Variants in LHCGR observed in about 807,000 individuals in gnomAD.
The protein encoded by LHCGR is lutropin-choriogonadotropic hormone receptor.
In LHCGR, 55 loss-of-function variants were observed where a neutral mutation model predicts 60.7. That is an observed-to-expected ratio of 0.91 (90% confidence interval 0.73 to 1.13). The LOEUF (loss-of-function observed/expected upper bound fraction) is 1.13. Ranked by LOEUF, LHCGR falls within the 50% of genes most tolerant of loss-of-function variation. The probability of loss-of-function intolerance (pLI) is 0.00; values close to 1 mark genes in which losing one functional copy is unlikely to be tolerated. For missense variants in LHCGR, 862 were observed against 836.0 expected, an observed-to-expected ratio of 1.03 and a Z score of -0.38; for synonymous variants, 337 against 316.5, an observed-to-expected ratio of 1.06 and a Z score of -0.69.
intron 8 of LHCGR, among the ~76,000 whole-genome samples, chr2:48,702,627 G>T (rs1017539793): frequency 3.3e-5 from 5 of 152,160 alleles, no homozygotes; most frequent in African/African-American, 1.2e-4. Flanking sequence ...ATTTCATGGT[G>T]TATATGTGCC....
chr2:48,712,256 C>A (rs1163509221), intron 7 of LHCGR, among the ~76,000 whole-genome samples: 1 of 152,016 alleles, frequency 6.6e-6, no homozygotes. Flanking sequence ...GCAGTTTATA[C>A]ACTATTTGGA....
chr2:48,728,470 G>C (rs961932381), intron 3 of LHCGR, among the ~76,000 whole-genome samples: 2 of 152,148 alleles, frequency 1.3e-5, no homozygotes, highest in African/African-American at 4.8e-5. Context: ...GCAGTAGGGG[G>C]CCTGGTGTAG....
chr2:48,699,324 C>G (rs1439564326), intron 8 of LHCGR, among the ~76,000 whole-genome samples: 3 of 152,134 alleles, frequency 2.0e-5, no homozygotes, highest in African/African-American at 4.8e-5. Context: ...AAGTATAACT[C>G]CTTGCACCTA....
chr2:48,732,921 C>T, intron 1 of LHCGR: 1 of 534,480 alleles, frequency 1.9e-6, no homozygotes, highest in Non-Finnish European at 3.8e-6. Flanking sequence ...TCGTTTAACA[C>T]CTAAACTCAT....
At chr2:48,754,745 C>A (rs1236026529) in intron 1 of LHCGR, among the ~76,000 whole-genome samples, 1 of 151,622 alleles carries the variant, frequency 6.6e-6, no homozygotes, top group Non-Finnish European at 1.5e-5. Context: ...ACTTTTTTTT[C>A]TAAATAGGAG....
chr2:48,717,542 C>A (rs949392362), intron 6 of LHCGR, among the ~76,000 whole-genome samples: 4 of 150,978 alleles, frequency 2.6e-5, no homozygotes, highest in African/African-American at 9.7e-5. Context: ...ATGTGTTGAT[C>A]TTATTATTAT....
chr2:48,697,091 G>A (rs1349925702), intron 9 of LHCGR, among the ~76,000 whole-genome samples: 1 of 151,990 alleles, frequency 6.6e-6, no homozygotes, highest in African/African-American at 2.4e-5. Flanking sequence ...ACATCTCCTT[G>A]GCTTCCTCTT....
chr2:48,715,252 T>A (rs1027297442), intron 6 of LHCGR, among the ~76,000 whole-genome samples: 1 of 152,216 alleles, frequency 6.6e-6, no homozygotes, highest in African/African-American at 2.4e-5. Flanking sequence ...TCCTCCTGTA[T>A]CTAGAACAGT....
intron 6 of LHCGR, among the ~76,000 whole-genome samples, chr2:48,722,071 A>C (rs1039272725): frequency 6.6e-6 from 1 of 152,322 alleles, no homozygotes; most frequent in East Asian, 1.9e-4. Flanking sequence ...AATCACTTGA[A>C]CCCAGGAGGC....
At chr2:48,713,201 T>C (rs924405302) in intron 7 of LHCGR, among the ~76,000 whole-genome samples, 9 of 142,882 alleles carry the variant, frequency 6.3e-5, no homozygotes, top group Non-Finnish European at 1.2e-4. Flanking sequence ...GTATAGATCA[T>C]GGTTTATACA....
chr2:48,728,140 G>A (rs903162634), intron 3 of LHCGR, among the ~76,000 whole-genome samples: 37 of 150,648 alleles, frequency 2.5e-4, no homozygotes, highest in African/African-American at 9.0e-4. Context: ...TGTATTTTAT[G>A]TGTGACCCAA....
At chr2:48,747,609 A>T (rs559224342) in intron 1 of LHCGR, among the ~76,000 whole-genome samples, 67 of 152,092 alleles carry the variant, frequency 4.4e-4, no homozygotes, top group Non-Finnish European at 8.1e-4. Context: ...TCTTTTTGGG[A>T]ATTGGAAATT....
chr2:48,689,973 A>C (rs1558803325), intron 10 of LHCGR, among the ~76,000 whole-genome samples: 1 of 152,148 alleles, frequency 6.6e-6, no homozygotes, highest in Non-Finnish European at 1.5e-5. Context: ...CTCGGCCTCC[A>C]AAGTGCTGGC....
At chr2:48,700,079 C>G (rs532867519) in intron 8 of LHCGR, among the ~76,000 whole-genome samples, 87 of 152,288 alleles carry the variant, frequency 5.7e-4, no homozygotes, top group African/African-American at 2.0e-3. Flanking sequence ...AAAATTAAGG[C>G]AGCAAAATTT....
intron 1 of LHCGR, among the ~76,000 whole-genome samples, chr2:48,736,691 C>T (rs985632728): frequency 2.6e-5 from 4 of 152,068 alleles, no homozygotes; most frequent in African/African-American, 4.8e-5. Context: ...GCTCTAGTGT[C>T]CCCCTTTAAG....
At position 48,729,171 on chromosome 2, in the gene LHCGR, A is replaced by C. The variant is rs771440304; in HGVS notation, c.290T>G (p.Leu97Arg). 6.2e-7 allele frequency: 1 copy of C among 1,611,418 alleles called. No individual in the cohort carries two copies. The highest frequency in any genetic ancestry group is 1.1e-5 in the South Asian group (1 of 91,038). ...TGCTTACATTTCAGACAAATTGAGG[A>C]GGTTGTCAAAGGCATTAGCTTCTAT... The part of the protein sequence containing the change: ...ERIEANAFDN[L>R]LNLSEILIQN... Residue 97 changes from leucine to arginine, a missense_variant, in exon 3 of 11, where the codon CTC (leucine) becomes CGC (arginine). Transcript: ENST00000294954.
intron 1 of LHCGR, among the ~76,000 whole-genome samples, chr2:48,745,007 C>T (rs1669633230): frequency 6.6e-6 from 1 of 152,006 alleles, no homozygotes; most frequent in Non-Finnish European, 1.5e-5. Context: ...AAGAAAAAAA[C>T]AAACAACCCC....
chr2:48,722,304 T>C (rs943479950), intron 6 of LHCGR, among the ~76,000 whole-genome samples: 10 of 152,224 alleles, frequency 6.6e-5, no homozygotes, highest in African/African-American at 2.4e-4. Context: ...GGAGTGCTCC[T>C]CAAACTTTAA....
At chr2:48,741,151 A>G (rs571641984) in intron 1 of LHCGR, among the ~76,000 whole-genome samples, 1 of 152,254 alleles carries the variant, frequency 6.6e-6, no homozygotes, top group African/African-American at 2.4e-5. Context: ...AAAAAGAATA[A>G]AAAGAAACGA....
Sources: gnomAD v4.1 joint callset for allele counts (sites outside exome capture counted in the v4.1 genomes callset) on GRCh38, gnomAD v4.1.1 for gene constraint, MANE v1.5 for transcripts, NCBI Gene and HGNC (gene_info 2026-07-23, HGNC 2026-07-21) for gene names.